Variants in SKAP1 observed in about 807,000 individuals in gnomAD.
SKAP1 encodes src kinase associated phosphoprotein 1, also known as src kinase-associated phosphoprotein 1.
In SKAP1, 44 loss-of-function variants were observed where a neutral mutation model predicts 58.5. That is an observed-to-expected ratio of 0.75 (90% CI 0.59 to 0.97). The LOEUF (loss-of-function observed/expected upper bound fraction) is 0.97. Among genes scored for constraint, SKAP1 ranks in the 50% least tolerant of loss-of-function variants. The pLI is 0.00. For synonymous variants in SKAP1, 127 were observed against 149.7 expected, an observed-to-expected ratio of 0.85 and a Z score of 1.11; for missense variants, 390 against 435.2, an observed-to-expected ratio of 0.90 and a Z score of 0.92.
chr17:48,384,264 G>A (rs1014361572), intron 2 of SKAP1, among the ~76,000 whole-genome samples: 25 of 152,132 alleles, frequency 1.6e-4, no homozygotes, highest in Non-Finnish European at 3.5e-4. Context: ...GAGCAATCAG[G>A]AATGACTCCC....
intron 4 of SKAP1, among the ~76,000 whole-genome samples, chr17:48,228,668 A>C (rs1356450053): frequency 6.6e-6 from 1 of 152,198 alleles, no homozygotes; most frequent in East Asian, 1.9e-4. Flanking sequence ...CAACCTTATG[A>C]TGTAGGCGTT....
chr17:48,150,110 G>A (rs1435698316), intron 11 of SKAP1, among the ~76,000 whole-genome samples: 1 of 152,154 alleles, frequency 6.6e-6, no homozygotes, highest in African/African-American at 2.4e-5. Flanking sequence ...CTGTGAAAGG[G>A]GCTAAAATAA....
At chr17:48,269,654 T>A (rs1183026563) in intron 4 of SKAP1, among the ~76,000 whole-genome samples, 1 of 152,218 alleles carries the variant, frequency 6.6e-6, no homozygotes, top group Non-Finnish European at 1.5e-5. Context: ...GAGATAACAA[T>A]CACTCACAAA....
intron 4 of SKAP1, among the ~76,000 whole-genome samples, chr17:48,208,734 C>T (rs2064837378): frequency 6.6e-6 from 1 of 152,168 alleles, no homozygotes; most frequent in Non-Finnish European, 1.5e-5. Flanking sequence ...ATTACAAATC[C>T]TTATTTCCAG....
chr17:48,176,797 T>C (rs2064297426), intron 9 of SKAP1, among the ~76,000 whole-genome samples: 1 of 152,190 alleles, frequency 6.6e-6, no homozygotes, highest in Non-Finnish European at 1.5e-5. Context: ...TTATTTTGAT[T>C]ACAAAAAAAC....
chr17:48,275,343 G>T (rs760486012), intron 4 of SKAP1, among the ~76,000 whole-genome samples: 11 of 151,946 alleles, frequency 7.2e-5, no homozygotes, highest in Non-Finnish European at 1.5e-4. Flanking sequence ...TTCCTCCCTG[G>T]GTTCTCCTCC....
chr17:48,240,856 G>A (rs1434608046), intron 4 of SKAP1, among the ~76,000 whole-genome samples: 1 of 152,196 alleles, frequency 6.6e-6, no homozygotes. Context: ...TCCACACATA[G>A]TATGATGGCT....
chr17:48,180,358 A>C (rs2064352179), intron 8 of SKAP1, 110 bp from the exon 9 acceptor site: 7 of 780,650 alleles, frequency 9.0e-6, no homozygotes, highest in Non-Finnish European at 1.4e-5. Flanking sequence ...ATGTCAAATG[A>C]AAATGAAACA....
intron 7 of SKAP1, among the ~76,000 whole-genome samples, chr17:48,184,309 A>ATT (rs11399337): frequency 6.6e-6 from 1 of 151,826 alleles, no homozygotes; most frequent in Non-Finnish European, 1.5e-5. Flanking sequence ...TGGGAAAATA[A>ATT]TTTTTTTTCA....
At chr17:48,145,583 C>A (rs2063822732) in intron 11 of SKAP1, among the ~76,000 whole-genome samples, 3 of 152,122 alleles carry the variant, frequency 2.0e-5, no homozygotes. Flanking sequence ...CTCCTCAGAG[C>A]TCCTCCTGTC....
At chr17:48,139,472 T>C (rs951495525) in intron 11 of SKAP1, among the ~76,000 whole-genome samples, 1 of 152,192 alleles carries the variant, frequency 6.6e-6, no homozygotes, top group Non-Finnish European at 1.5e-5. Context: ...TGAGCCACCG[T>C]GCCTGGCCCC....
intron 4 of SKAP1, among the ~76,000 whole-genome samples, chr17:48,321,377 T>G (rs1477293460): frequency 3.4e-5 from 5 of 146,880 alleles, no homozygotes; most frequent in Non-Finnish European, 7.5e-5. Context: ...TTATTATTAT[T>G]ATTATTATTA....
the SKAP1 span, among the ~76,000 whole-genome samples, chr17:48,436,299 T>C: frequency 6.6e-6 from 1 of 152,174 alleles, no homozygotes; most frequent in East Asian, 1.9e-4. Flanking sequence ...CTCAAACTCC[T>C]TACCTCAGGT....
intron 9 of SKAP1, among the ~76,000 whole-genome samples, chr17:48,172,585 T>TAGGGTATAGTAAGCAA (rs2064231681): frequency 6.6e-6 from 1 of 152,184 alleles, no homozygotes; most frequent in Admixed American, 6.5e-5. Flanking sequence ...GCACAGTAGA[T>TAGGGTATAGTAAGCAA]AGGGTATAGT....
intron 2 of SKAP1, among the ~76,000 whole-genome samples, chr17:48,377,577 C>CAA (rs766249720): frequency 0.19 from 22,271 of 115,706 alleles, 1,830 homozygotes; most frequent in Non-Finnish European, 0.22. Flanking sequence ...GACCCTGTCT[C>CAA]AAAAAAAAAA....
In SKAP1 at chr17:48,363,793, G is replaced by A. The variant is rs1357466711; in HGVS notation, c.174C>T (p.Pro58=). The change falls in exon 3 of 13, where the codon CCC becomes CCT. Residue 58 remains proline, a synonymous_variant. Coordinates refer to ENST00000336915, the MANE Select transcript of SKAP1 (RefSeq NM_003726.4). ...IKARYYWDFQ[P]QGGDIGQDSS... is the part of the protein sequence containing the mutation. ...ACGTGGTCAAAGAGGACTCACCTTGGGGCTGAAAATCCCAATAGTACCTGA... is the reference window on the plus strand; with the variant it reads ...ACGTGGTCAAAGAGGACTCACCTTGAGGCTGAAAATCCCAATAGTACCTGA... The A allele has an allele frequency of 6.2e-7, 1 of 1,605,930 alleles. No individual in the cohort carries two copies. Among genetic ancestry groups the A allele is most frequent in the Non-Finnish European group, 8.5e-7 (1 of 1,175,982 alleles).
At chr17:48,222,005 T>C (rs775381259) in intron 4 of SKAP1, among the ~76,000 whole-genome samples, 1 of 152,186 alleles carries the variant, frequency 6.6e-6, no homozygotes, top group Admixed American at 6.5e-5. Flanking sequence ...AAATATGGTA[T>C]GTAAATGTAA....
upstream of SKAP1, among the ~76,000 whole-genome samples, chr17:48,431,867 G>A (rs2067919896): frequency 6.6e-6 from 1 of 152,204 alleles, no homozygotes; most frequent in Non-Finnish European, 1.5e-5. Flanking sequence ...GGCAAGAGCA[G>A]TAAGAAGAAA....
At chr17:48,296,935 T>C (rs1182822100) in intron 4 of SKAP1, among the ~76,000 whole-genome samples, 1 of 152,102 alleles carries the variant, frequency 6.6e-6, no homozygotes, top group Admixed American at 6.6e-5. Context: ...TAACCTCTCT[T>C]AGACTGTCCT....
Sources: allele counts gnomAD v4.1 joint callset (sites outside exome capture counted in the v4.1 genomes callset), GRCh38; gene constraint gnomAD v4.1.1; transcripts MANE v1.5; gene names NCBI Gene and HGNC (gene_info 2026-07-23, HGNC 2026-07-21).